The following AUTS2 variants were observed in gnomAD, a reference collection of about 807,000 sequenced individuals.
AUTS2 encodes autism susceptibility gene 2 protein.
In AUTS2, 17 loss-of-function variants were observed where a neutral mutation model predicts 112.4. The observed-to-expected ratio is 0.15, with a 90% CI of 0.10 to 0.23. The LOEUF (loss-of-function observed/expected upper bound fraction) is 0.23. Among genes scored for constraint, AUTS2 ranks in the 10% least tolerant of loss-of-function variants. The pLI, the probability that AUTS2 is intolerant of heterozygous loss-of-function variation, is 1.00. For synonymous variants in AUTS2, 751 were observed against 702.7 expected, an observed-to-expected ratio of 1.07 and a Z score of -1.09; for missense variants, 1,510 against 1,701.6, an observed-to-expected ratio of 0.89 and a Z score of 1.98.
chr7:70,106,560 A>G (rs898300138), intron 2 of AUTS2, among the ~76,000 whole-genome samples: 19 of 152,146 alleles, frequency 1.2e-4, no homozygotes, highest in African/African-American at 3.6e-4. Context: ...TCTCTCAAAA[A>G]AATGTAGAAA....
rs1192130702 is a variant in AUTS2 at position 69,598,747 on chromosome 7, C to T, written c.-907C>T. On this transcript the variant is annotated 5_prime_UTR_variant, in exon 1 of 19. Coordinates refer to ENST00000342771, the MANE Select transcript of AUTS2 (RefSeq NM_015570.4). ...CTTTTTTGAGGAAGGGTGACCTCTT[C>T]TCTGGGACTGGAAAAAATATTTTTG... The T allele has an allele frequency of 1.3e-5, 2 of 153,554 alleles. No homozygotes were observed. The highest frequency in any genetic ancestry group is 4.8e-5 in the African/African-American group (2 of 41,430). The allele number at this position is 153,554 out of a possible 1,614,324, so 9.5% of individuals were successfully genotyped here.
chr7:70,373,810 TTTTG>T (rs1792956914), intron 4 of AUTS2, among the ~76,000 whole-genome samples: 1 of 152,188 alleles, frequency 6.6e-6, no homozygotes, highest in Admixed American at 6.5e-5. Context: ...TTGGTATGGT[TTTTG>T]TTTATATCCT....
intron 5 of AUTS2, among the ~76,000 whole-genome samples, chr7:70,532,721 T>G (rs1322015667): frequency 1.3e-5 from 2 of 152,218 alleles, no homozygotes. Context: ...TTTTTCATTC[T>G]CGCAGCAAAT....
chr7:70,137,648 T>C (rs1459349933), intron 4 of AUTS2, among the ~76,000 whole-genome samples: 1 of 152,182 alleles, frequency 6.6e-6, no homozygotes. Flanking sequence ...TTATTTTATG[T>C]CTCTGAGTCT....
intron 5 of AUTS2, among the ~76,000 whole-genome samples, chr7:70,468,605 AG>A (rs1199297437): frequency 6.6e-6 from 1 of 152,098 alleles, no homozygotes; most frequent in Non-Finnish European, 1.5e-5. Flanking sequence ...GGGAGACTAG[AG>A]GGGGGCAAAT....
intron 2 of AUTS2, among the ~76,000 whole-genome samples, chr7:70,044,964 C>T (rs756842862): frequency 8.7e-5 from 13 of 149,580 alleles, no homozygotes; most frequent in Middle Eastern, 3.2e-3. Flanking sequence ...CTCTTTTTTT[C>T]GAACCTTATG....
At chr7:69,780,440 G>C (rs959237244) in intron 1 of AUTS2, among the ~76,000 whole-genome samples, 1 of 152,180 alleles carries the variant, frequency 6.6e-6, no homozygotes, top group African/African-American at 2.4e-5. Flanking sequence ...AGGCTGTCTT[G>C]TGTTGTGATA....
At chr7:69,886,763 T>TGTGTG (rs1794291908) in intron 1 of AUTS2, among the ~76,000 whole-genome samples, 5 of 129,774 alleles carry the variant, frequency 3.9e-5, no homozygotes, top group African/African-American at 5.9e-5. Context: ...TTTGACTTCT[T>TGTGTG]TGTGTGTGTG....
Position 69,600,053 on chromosome 7 carries a change from G to GCTGT in AUTS2, c.309+122_309+125dup, listed in dbSNP as rs113411804. ...TCCTGCCTCCCTCGCCGCGCTCCGGGCTGTCTGTCTGTCTGTCTGTCTGTC... is the reference window on the plus strand; with the variant it reads ...TCCTGCCTCCCTCGCCGCGCTCCGGGCTGTCTGTCTGTCTGTCTGTCTGTCTGTC... On this transcript the variant is annotated intron_variant, in intron 1 of 18. Transcript: ENST00000342771. 65,198 of 1,259,190 alleles carry GCTGT rather than the reference G, an allele frequency of 0.052. 1,957 individuals are homozygous for GCTGT. Among genetic ancestry groups the GCTGT allele is most frequent in the East Asian group, 0.12 (4,446 of 38,106 alleles). The allele number at this position is 1,259,190 out of a possible 1,614,324, so 78.0% of individuals were successfully genotyped here.
Position 70,792,113 on chromosome 7 carries a change from A to C in AUTS2, c.*1117A>C, listed in dbSNP as rs1792004042. 6.6e-6 allele frequency: 1 copy of C among 152,564 alleles called. No individual in the cohort carries two copies. Among genetic ancestry groups the C allele is most frequent in the African/African-American group, 2.4e-5 (1 of 41,398 alleles). The allele number at this position is 152,564 out of a possible 1,614,324, so 9.5% of individuals were successfully genotyped here. ...TGATGGATATGTTTTCACTGTATTC[A>C]ATAACTGACGGATGTAAGGTGCACG... On this transcript the variant is annotated 3_prime_UTR_variant, in exon 19 of 19. Coordinates refer to ENST00000342771, the MANE Select transcript of AUTS2 (RefSeq NM_015570.4).
chr7:69,691,425 C>T (rs749353988), intron 1 of AUTS2, among the ~76,000 whole-genome samples: 1 of 152,152 alleles, frequency 6.6e-6, no homozygotes, highest in Non-Finnish European at 1.5e-5. Flanking sequence ...GCACCCACCC[C>T]CATCCTCCAC....
intron 5 of AUTS2, among the ~76,000 whole-genome samples, chr7:70,574,442 T>G (rs1463355656): frequency 6.6e-6 from 1 of 152,164 alleles, no homozygotes; most frequent in African/African-American, 2.4e-5. Context: ...AACTTCCACA[T>G]AGCTTCAGAA....
chr7:70,322,521 T>C (rs1171542703), intron 4 of AUTS2, among the ~76,000 whole-genome samples: 1 of 152,138 alleles, frequency 6.6e-6, no homozygotes. Context: ...TCATGCCTGG[T>C]GGTGATAAGA....
At chr7:69,909,264 A>G (rs1795263626) in intron 2 of AUTS2, among the ~76,000 whole-genome samples, 2 of 152,232 alleles carry the variant, frequency 1.3e-5, no homozygotes, top group Admixed American at 6.5e-5. Context: ...ATAACAAAAA[A>G]TGATGTTTTC....
rs867099879 is a variant in AUTS2 at position 70,486,911 on chromosome 7, A to G, written c.690+51130A>G. 5.5e-4 allele frequency among the ~76,000 whole-genome samples: 74 copies of G among 135,286 alleles called. 1 individual carries two copies. Among genetic ancestry groups the G allele is most frequent in the South Asian group, 2.7e-3 (10 of 3,662 alleles). The allele number at this position is 135,286 out of a possible 152,430, so 88.8% of individuals were successfully genotyped here. ...TGTTTTTGTATTCCCCCCCCCCCAA[A>G]AAAAAAGAAGAAAAGGTTGCATATC... On this transcript the variant is annotated intron_variant, in intron 5 of 18. Coordinates refer to ENST00000342771, the MANE Select transcript of AUTS2 (RefSeq NM_015570.4).
At chr7:70,557,778 A>G (rs1280203325) in intron 5 of AUTS2, among the ~76,000 whole-genome samples, 1 of 152,328 alleles carries the variant, frequency 6.6e-6, no homozygotes, top group East Asian at 1.9e-4. Context: ...CTGACTGTCA[A>G]TATCACCTTT....
At chr7:69,921,244 T>C (rs1795796115) in intron 2 of AUTS2, among the ~76,000 whole-genome samples, 1 of 151,560 alleles carries the variant, frequency 6.6e-6, no homozygotes, top group South Asian at 2.1e-4. Flanking sequence ...CTTCCTGAAA[T>C]GAAGGACAAA....
intron 4 of AUTS2, among the ~76,000 whole-genome samples, chr7:70,224,443 G>A (rs540618944): frequency 9.8e-4 from 149 of 152,030 alleles, no homozygotes; most frequent in Admixed American, 3.2e-3. Flanking sequence ...AAAGGTTATA[G>A]AATATGGATA....
chr7:70,790,921 A>G lies in AUTS2; in HGVS notation c.3705A>G (p.Arg1235=), dbSNP rs1221405020. Residue 1235 remains arginine (R), a synonymous_variant, in exon 19 of 19, where the codon AGA becomes AGG. Transcript: ENST00000342771. The surrounding 1 kb of genome is among the most constrained non-coding windows in gnomAD (Gnocchi z 7.6). ...STLGGRPVSP[R]RTTPLSAEIR... ...TGGGGGGCCGCCCGGTCTCTCCCAGAAGGACGACTCCTCTGTCCGCAGAGA... is the reference window on the plus strand; with the variant it reads ...TGGGGGGCCGCCCGGTCTCTCCCAGGAGGACGACTCCTCTGTCCGCAGAGA... 1.9e-6 allele frequency: 3 copies of G among 1,569,196 alleles called. No individual in the cohort carries two copies. Among genetic ancestry groups the G allele is most frequent in the Non-Finnish European group, 2.6e-6 (3 of 1,158,724 alleles).
Sources: gnomAD v4.1 joint callset for allele counts (sites outside exome capture counted in the v4.1 genomes callset) on GRCh38, gnomAD v4.1.1 for gene constraint, Gnocchi (gnomAD v3.1) non-coding constraint, MANE v1.5 for transcripts, NCBI Gene and HGNC (gene_info 2026-07-23, HGNC 2026-07-21) for gene names.